POU6F2: variants seen among roughly 807,000 people sequenced by gnomAD.
POU6F2 encodes POU domain, class 6, transcription factor 2.
A neutral mutation model predicts 71.3 loss-of-function variants in POU6F2; 31 were observed. That is an observed-to-expected ratio of 0.43 (90% CI 0.33 to 0.59). The LOEUF is 0.59. Among genes scored for constraint, POU6F2 ranks in the 20% least tolerant of loss-of-function variants. The pLI, the probability that POU6F2 is intolerant of heterozygous loss-of-function variation, is 0.04. For synonymous variants in POU6F2, 347 were observed against 355.7 expected (o/e 0.98, Z 0.27); for missense variants, 783 against 856.8 (o/e 0.91, Z 1.07).
At chr7:39,169,393 C>T (rs970698568) in intron 2 of POU6F2, among the ~76,000 whole-genome samples, 4 of 152,080 alleles carry the variant, frequency 2.6e-5, no homozygotes, top group East Asian at 1.9e-4. Context: ...TAAGCCTGTG[C>T]GTGAACTGCA....
chr7:39,084,870 G>A (rs755218281), intron 1 of POU6F2, among the ~76,000 whole-genome samples: 1 of 152,136 alleles, frequency 6.6e-6, no homozygotes, highest in African/African-American at 2.4e-5. Flanking sequence ...CGCAAAAAGG[G>A]CACTTCTTGC....
In POU6F2 at chr7:39,314,589, G is replaced by A. The variant is rs1212348804; in HGVS notation, c.599-25053G>A. ...CTTATGTTCCTAATAATCATGTTTT[G>A]TAAGGCTATTGCTGTTTCTGAGTCC... On this transcript the variant is annotated intron_variant, in intron 4 of 9. Transcript: ENST00000518318. Among the ~76,000 whole-genome samples, 4 of 152,164 alleles carry A rather than the reference G, an allele frequency of 2.6e-5. No homozygotes were observed. The East Asian group carries it at 7.7e-4, about 29-fold the overall frequency.
chr7:38,997,631 G>A (rs1233467459), intron 1 of POU6F2, among the ~76,000 whole-genome samples: 1 of 152,148 alleles, frequency 6.6e-6, no homozygotes, highest in African/African-American at 2.4e-5. Flanking sequence ...TCAGCACACA[G>A]CCTTGAACCT....
At chr7:39,131,853 T>C (rs907880053) in intron 2 of POU6F2, among the ~76,000 whole-genome samples, 1 of 150,388 alleles carries the variant, frequency 6.6e-6, no homozygotes. Context: ...TTTTTTTTTA[T>C]GTTTTTAAAT....
intron 5 of POU6F2, among the ~76,000 whole-genome samples, chr7:39,403,779 C>A (rs1787355569): frequency 6.6e-6 from 1 of 152,208 alleles, no homozygotes; most frequent in African/African-American, 2.4e-5. Context: ...CATATTACAT[C>A]CCTGCCTTGG....
intron 7 of POU6F2, among the ~76,000 whole-genome samples, chr7:39,438,763 T>C (rs1216255239): frequency 6.6e-6 from 1 of 152,154 alleles, no homozygotes; most frequent in Non-Finnish European, 1.5e-5. Flanking sequence ...TGATGAGGAG[T>C]GTTTTACTTC....
intron 4 of POU6F2, among the ~76,000 whole-genome samples, chr7:39,277,707 C>T (rs1184904768): frequency 1.3e-5 from 2 of 151,818 alleles, no homozygotes; most frequent in South Asian, 2.1e-4. Context: ...GTTGGGCCAC[C>T]GAAGTGGTTA....
intron 4 of POU6F2, among the ~76,000 whole-genome samples, chr7:39,278,733 G>A (rs1784506904): frequency 6.6e-6 from 1 of 152,120 alleles, no homozygotes; most frequent in Non-Finnish European, 1.5e-5. Flanking sequence ...CTTCACGCTG[G>A]CATACAGGGG....
chr7:39,070,968 C>T (rs1274624700), intron 1 of POU6F2, among the ~76,000 whole-genome samples: 2 of 152,080 alleles, frequency 1.3e-5, no homozygotes, highest in African/African-American at 4.8e-5. Flanking sequence ...CAGTGGTCCC[C>T]GTTTTTGGCA....
At chr7:39,306,389 G>T (rs1292128796) in intron 4 of POU6F2, among the ~76,000 whole-genome samples, 1 of 152,138 alleles carries the variant, frequency 6.6e-6, no homozygotes, top group Non-Finnish European at 1.5e-5. Flanking sequence ...ATTCTTGCAG[G>T]TGGGTATCAT....
chr7:39,079,512 C>T (rs1390212358), intron 1 of POU6F2, among the ~76,000 whole-genome samples: 1 of 152,080 alleles, frequency 6.6e-6, no homozygotes, highest in Non-Finnish European at 1.5e-5. Context: ...TATAGAAAGC[C>T]ACATTGGTAT....
chr7:39,179,453 A>G (rs1200378450), intron 2 of POU6F2, among the ~76,000 whole-genome samples: 2 of 152,238 alleles, frequency 1.3e-5, no homozygotes, highest in Non-Finnish European at 2.9e-5. Context: ...AGCATTTAGA[A>G]GAGTCTGGCA....
At chr7:39,114,264 C>T (rs1011983604) in intron 2 of POU6F2, among the ~76,000 whole-genome samples, 9 of 152,142 alleles carry the variant, frequency 5.9e-5, no homozygotes, top group African/African-American at 1.9e-4. Flanking sequence ...CACTTTTCAA[C>T]TGATAGTAAA....
At chr7:39,406,472 C>T in intron 5 of POU6F2, 128 bp from the exon 6 acceptor site, 1 of 1,078,082 alleles carries the variant, frequency 9.3e-7, no homozygotes, top group Non-Finnish European at 1.3e-6. Flanking sequence ...CACGCCCCTC[C>T]GGTGGGTTCC....
intron 1 of POU6F2, among the ~76,000 whole-genome samples, chr7:39,000,188 T>C (rs1398039551): frequency 6.6e-6 from 1 of 152,104 alleles, no homozygotes; most frequent in East Asian, 1.9e-4. Context: ...GCAAGCATGT[T>C]TGGGGGGACA....
rs1303806485 is a variant in POU6F2, at chr7:39,067,295, A to G, written c.106-18565A>G. On this transcript the variant is annotated intron_variant, in intron 1 of 9. Coordinates refer to ENST00000518318, the MANE Select transcript of POU6F2 (RefSeq NM_001370959.1). ...CCATATACCCATTCAAATTCCAGAGACTATAGAATTATTTTTAAACTAAAA... is the reference window on the plus strand; with the variant it reads ...CCATATACCCATTCAAATTCCAGAGGCTATAGAATTATTTTTAAACTAAAA... Among the ~76,000 whole-genome samples the G allele has an allele frequency of 2.0e-5, 3 of 151,702 alleles. No individual in the cohort carries two copies. The East Asian group carries it at 5.8e-4, about 29-fold the overall frequency.
chr7:39,291,744 A>G (rs1784760622), intron 4 of POU6F2, among the ~76,000 whole-genome samples: 1 of 152,180 alleles, frequency 6.6e-6, no homozygotes, highest in Non-Finnish European at 1.5e-5. Flanking sequence ...AAAAGGAGCC[A>G]AGTCCCAGAT....
At position 39,467,206 on chromosome 7, in the gene POU6F2, TA is replaced by T. The variant is rs1789091563; in HGVS notation, c.*2523del. 6.6e-6 allele frequency: 1 copy of T among 152,246 alleles called. No homozygotes were observed. The highest frequency in any genetic ancestry group is 2.1e-4 in the South Asian group (1 of 4,838). The allele number at this position is 152,246 out of a possible 1,614,324, so 9.4% of individuals were successfully genotyped here. On this transcript the variant is annotated 3_prime_UTR_variant, in exon 10 of 10. Transcript: ENST00000518318. Reference sequence around the variant, plus strand: ...AGTTTTATAATTTTGTATTGTTTTATAAATTATTTATAAGGTGTTGTAATGC... The same window carrying T: ...AGTTTTATAATTTTGTATTGTTTTATAATTATTTATAAGGTGTTGTAATGC...
At chr7:39,150,225 C>CTCTGTGTGTGTG (rs1554325538) in intron 2 of POU6F2, among the ~76,000 whole-genome samples, 2 of 141,160 alleles carry the variant, frequency 1.4e-5, no homozygotes, top group African/African-American at 5.4e-5. Context: ...AGTAATATGT[C>CTCTGTGTGTGTG]TGTGTGTGTG....
Sources: gnomAD v4.1 joint callset for allele counts (sites outside exome capture counted in the v4.1 genomes callset) on GRCh38, gnomAD v4.1.1 for gene constraint, MANE v1.5 for transcripts, NCBI Gene and HGNC (gene_info 2026-07-23, HGNC 2026-07-21) for gene names.